The following PRKN variants were observed in gnomAD, a reference collection of about 807,000 sequenced individuals.
The protein encoded by PRKN is E3 ubiquitin-protein ligase parkin.
In PRKN, 56 loss-of-function variants were observed where a neutral mutation model predicts 59.5. That is an observed-to-expected ratio of 0.94 (90% CI 0.76 to 1.18). The LOEUF (loss-of-function observed/expected upper bound fraction) is 1.18, where lower values mean the gene tolerates loss of function less well. PRKN is among the 50% of genes most tolerant of loss of function. PRKN has a pLI of 0.00. For synonymous variants in PRKN, 250 were observed against 222.1 expected, an observed-to-expected ratio of 1.13 and a Z score of -1.12; for missense variants, 657 against 596.4, an observed-to-expected ratio of 1.10 and a Z score of -1.06.
At chr6:162,244,347 G>A (rs1779112637) in intron 3 of PRKN, among the ~76,000 whole-genome samples, 1 of 151,772 alleles carries the variant, frequency 6.6e-6, no homozygotes, top group African/African-American at 2.4e-5. Flanking sequence ...TACACAATAT[G>A]CTCTTTCCTC....
chr6:162,008,215 G>A lies in PRKN; in HGVS notation c.619-34798C>T, dbSNP rs143255324. Among the ~76,000 whole-genome samples, 203 of 152,292 alleles carry A rather than the reference G, an allele frequency of 1.3e-3. 2 individuals are homozygous for A. The highest frequency in any genetic ancestry group is 4.5e-3 in the African/African-American group (188 of 41,564). ...AAATTAGAGAAAGATGCACATATAT[G>A]TGTATGAACATTTGGCACCAGATAG... On this transcript the variant is annotated intron_variant, in intron 5 of 11. Coordinates refer to ENST00000366898, the MANE Select transcript of PRKN (RefSeq NM_004562.3).
chr6:162,472,693 T>G (rs1158290763), intron 1 of PRKN, among the ~76,000 whole-genome samples: 1 of 125,862 alleles, frequency 7.9e-6, no homozygotes, highest in Non-Finnish European at 1.7e-5. Flanking sequence ...GGGTTTCACC[T>G]TGTTAGCCAG....
intron 1 of PRKN, among the ~76,000 whole-genome samples, chr6:162,520,773 A>G (rs910599078): frequency 1.3e-5 from 2 of 151,892 alleles, no homozygotes; most frequent in African/African-American, 4.8e-5. Context: ...TTTTAAATGG[A>G]AAGAAAATGT....
intron 3 of PRKN, among the ~76,000 whole-genome samples, chr6:162,204,369 G>GA (rs1784849666): frequency 6.6e-6 from 1 of 152,156 alleles, no homozygotes; most frequent in African/African-American, 2.4e-5. Context: ...CTGTAAAAAT[G>GA]AAAGGATGAA....
chr6:161,727,855 T>C lies in PRKN; in HGVS notation c.871+57917A>G, dbSNP rs545344735. ...TAAGACTGGCTTATTTATTGCCGTG[T>C]ATTCCTACTTACTTTTCTCTGAATA... is the stretch of plus-strand genomic sequence containing the variant. On this transcript the variant is annotated intron_variant, in intron 7 of 11. Coordinates refer to ENST00000366898, the MANE Select transcript of PRKN (RefSeq NM_004562.3). Among the ~76,000 whole-genome samples, 9 of 152,346 alleles carry C rather than the reference T, an allele frequency of 5.9e-5. No individual in the cohort carries two copies. In the East Asian group the frequency reaches 9.6e-4, roughly 16 times the overall value.
chr6:161,564,164 C>T (rs926564695), intron 8 of PRKN, among the ~76,000 whole-genome samples: 8 of 152,298 alleles, frequency 5.3e-5, no homozygotes, highest in South Asian at 2.1e-4. Context: ...TTGCCCCCAC[C>T]GCTGGCAGGA....
intron 2 of PRKN, among the ~76,000 whole-genome samples, chr6:162,415,182 A>C (rs1788565743): frequency 6.6e-6 from 1 of 152,148 alleles, no homozygotes; most frequent in South Asian, 2.1e-4. Flanking sequence ...GCGTAGCTAC[A>C]ATTGGTTGTG....
rs1461023332 is a variant in PRKN at position 161,372,831 on chromosome 6, T to C, written c.1168-12626A>G. Among the ~76,000 whole-genome samples the C allele has an allele frequency of 6.7e-6, 1 of 149,970 alleles. No individual in the cohort carries two copies. The highest frequency in any genetic ancestry group is 1.5e-5 in the Non-Finnish European group (1 of 67,362). ...ACAAAGACAGAGAGACCCTATTTTT[T>C]TTTTTTTTTTTTTTTTGAGACAGGG... is the stretch of plus-strand genomic sequence containing the variant. On this transcript the variant is annotated intron_variant, in intron 10 of 11. Transcript: ENST00000366898. This position sits in a 1 kb window ranked among gnomAD's most constrained non-coding sequence, Gnocchi z 4.2.
At chr6:162,238,621 C>T (rs1345041326) in intron 3 of PRKN, among the ~76,000 whole-genome samples, 1 of 152,156 alleles carries the variant, frequency 6.6e-6, no homozygotes, top group African/African-American at 2.4e-5. Flanking sequence ...TTCTATGAGG[C>T]CAGATGACTG....
chr6:162,565,492 C>T (rs1780026330), intron 1 of PRKN, among the ~76,000 whole-genome samples: 1 of 152,046 alleles, frequency 6.6e-6, no homozygotes, highest in Non-Finnish European at 1.5e-5. Flanking sequence ...GAGTTGGAGA[C>T]AAGCCTGGCA....
At chr6:161,957,409 G>GTTGTTTTTTTTTTTTTTTT (rs1562418017) in intron 6 of PRKN, among the ~76,000 whole-genome samples, 1 of 127,394 alleles carries the variant, frequency 7.8e-6, no homozygotes. Flanking sequence ...TGTTCTTGTT[G>GTTGTTTTTTTTTTTTTTTT]TTTTTTTTTT....
At chr6:162,291,762 TACG>T (rs1781438799) in intron 2 of PRKN, among the ~76,000 whole-genome samples, 1 of 152,112 alleles carries the variant, frequency 6.6e-6, no homozygotes, top group Non-Finnish European at 1.5e-5. Context: ...TATTCACCGC[TACG>T]ACAACAATCT....
At chr6:162,517,848 T>G (rs1275133901) in intron 1 of PRKN, among the ~76,000 whole-genome samples, 2 of 152,194 alleles carry the variant, frequency 1.3e-5, no homozygotes, top group Non-Finnish European at 2.9e-5. Context: ...CTTTTAGACT[T>G]TAATAGTAGA....
chr6:161,940,602 T>G (rs983189366), intron 6 of PRKN, among the ~76,000 whole-genome samples: 1 of 152,234 alleles, frequency 6.6e-6, no homozygotes, highest in African/African-American at 2.4e-5. Flanking sequence ...TTTTCATTCC[T>G]CAGATCCCTA....
At position 161,525,709 on chromosome 6, in the gene PRKN, T is replaced by G. The variant is rs1325054681; in HGVS notation, c.1083+23145A>C. 6.6e-6 allele frequency among the ~76,000 whole-genome samples: 1 copy of G among 152,156 alleles called. No individual in the cohort carries two copies. The highest frequency in any genetic ancestry group is 2.4e-5 in the African/African-American group (1 of 41,446). ...GGGATCTTTGAAGGCTATACTATTTTAAAAAATTATTCTATTCAGCGCATT... is the reference window on the plus strand; with the variant it reads ...GGGATCTTTGAAGGCTATACTATTTGAAAAAATTATTCTATTCAGCGCATT... On this transcript the variant is annotated intron_variant, in intron 9 of 11. Coordinates refer to ENST00000366898, the MANE Select transcript of PRKN (RefSeq NM_004562.3). The surrounding 1 kb of genome is among the most constrained non-coding windows in gnomAD (Gnocchi z 4.7).
At chr6:162,342,648 C>T (rs1784231301) in intron 2 of PRKN, among the ~76,000 whole-genome samples, 1 of 152,090 alleles carries the variant, frequency 6.6e-6, no homozygotes, top group Admixed American at 6.6e-5. Flanking sequence ...AGGGAAGAAT[C>T]ATTTACTTAC....
intron 4 of PRKN, among the ~76,000 whole-genome samples, chr6:162,085,019 A>T (rs1779197086): frequency 1.3e-5 from 2 of 149,676 alleles, no homozygotes; most frequent in Admixed American, 1.3e-4. Context: ...TCATTGCTAT[A>T]TTGATACAGA....
intron 3 of PRKN, among the ~76,000 whole-genome samples, chr6:162,250,705 C>T (rs1779398690): frequency 6.6e-6 from 1 of 152,182 alleles, no homozygotes; most frequent in African/African-American, 2.4e-5. Flanking sequence ...TCTAATTTCG[C>T]AATGCATCTC....
chr6:162,348,959 A>G (rs1784514709), intron 2 of PRKN, among the ~76,000 whole-genome samples: 1 of 152,328 alleles, frequency 6.6e-6, no homozygotes, highest in African/African-American at 2.4e-5. Context: ...TTAAAAATAT[A>G]AAGACAGATT....
Sources: allele counts gnomAD v4.1 joint callset (sites outside exome capture counted in the v4.1 genomes callset), GRCh38; gene constraint gnomAD v4.1.1; non-coding constraint Gnocchi (gnomAD v3.1); transcripts MANE v1.5; gene names NCBI Gene and HGNC (gene_info 2026-07-23, HGNC 2026-07-21).